ABCA13: variants seen among roughly 807,000 people sequenced by gnomAD.
ABCA13 encodes the protein ATP binding cassette subfamily A member 13.
Under a neutral mutation model 478.7 loss-of-function variants are expected in ABCA13, and 476 were observed. The observed-to-expected ratio is 0.99, with a 90% CI of 0.92 to 1.07. The LOEUF is 1.07. Among genes scored for constraint, ABCA13 ranks in the 50% least tolerant of loss-of-function variants. The pLI is 0.00. For missense variants in ABCA13, 6,060 were observed against 5,910.6 expected, an observed-to-expected ratio of 1.03 and a Z score of -0.83; for synonymous variants, 2,252 against 2,158.9, an observed-to-expected ratio of 1.04 and a Z score of -1.20.
At chr7:48,583,878 A>G (rs1197647936) in intron 56 of ABCA13, among the ~76,000 whole-genome samples, 5 of 152,236 alleles carry the variant, frequency 3.3e-5, no homozygotes, top group Non-Finnish European at 7.3e-5. Flanking sequence ...CATGACATTC[A>G]GAAAACATTG....
chr7:48,444,182 CTCT>C (rs1037498105), intron 42 of ABCA13, among the ~76,000 whole-genome samples: 2 of 152,184 alleles, frequency 1.3e-5, no homozygotes, highest in Non-Finnish European at 2.9e-5. Flanking sequence ...ATGCTCATGG[CTCT>C]TCTTTTGCTA....
intron 28 of ABCA13, among the ~76,000 whole-genome samples, chr7:48,336,824 TACAG>T (rs1806339228): frequency 6.6e-6 from 1 of 152,252 alleles, no homozygotes; most frequent in African/African-American, 2.4e-5. Context: ...AATTTGTTAA[TACAG>T]ACATCAGCAA....
intron 26 of ABCA13, 42 bp from the exon 27 acceptor site, chr7:48,317,115 G>T (rs561926458): frequency 1.9e-6 from 3 of 1,559,348 alleles, no homozygotes; most frequent in South Asian, 1.2e-5. Context: ...CCTAGGCATC[G>T]TGTATCATTA....
Position 48,273,800 on chromosome 7 carries a change from A to T in ABCA13, c.4134A>T (p.Leu1378Phe). Residue 1378 changes from leucine (L) to phenylalanine (F), a missense_variant, in exon 17 of 62, where the codon TTA (leucine) becomes TTT (phenylalanine). Leu to Phe is a conservative substitution (Grantham distance 22). Around this residue, in one of 3 missense-constraint regions of ABCA13, gnomAD observed 4,423 missense variants for 4,309.1 expected, o/e 1.03. Coordinates refer to ENST00000435803, the MANE Select transcript of ABCA13 (RefSeq NM_152701.5). ...SQRMLRILDT[L>F]NSTFSSENTI... is the part of the protein sequence containing the mutation. ...GGATGTTACGTATTCTAGACACGTT[A>T]AATTCCACATTTTCCTCTGAGAACA... 1 of 1,611,762 alleles carries T rather than the reference A, an allele frequency of 6.2e-7. No individual in the cohort carries two copies. Among genetic ancestry groups the T allele is most frequent in the Non-Finnish European group, 8.5e-7 (1 of 1,178,726 alleles).
chr7:48,344,404 C>G (rs1226831061), intron 29 of ABCA13, among the ~76,000 whole-genome samples: 1 of 152,224 alleles, frequency 6.6e-6, no homozygotes, highest in Non-Finnish European at 1.5e-5. Flanking sequence ...GTTGGAATGT[C>G]AAATCCTCTG....
At chr7:48,633,363 A>G (rs888605636) in intron 59 of ABCA13, among the ~76,000 whole-genome samples, 1 of 152,158 alleles carries the variant, frequency 6.6e-6, no homozygotes, top group African/African-American at 2.4e-5. Flanking sequence ...TAGACAGATA[A>G]TTGAGGCAGA....
At chr7:48,314,960 C>T (rs1463440658) in intron 26 of ABCA13, among the ~76,000 whole-genome samples, 1 of 152,066 alleles carries the variant, frequency 6.6e-6, no homozygotes, top group Non-Finnish European at 1.5e-5. Context: ...CAAATTAATA[C>T]ATAATTTTTT....
intron 1 of ABCA13, among the ~76,000 whole-genome samples, chr7:48,178,975 C>CCAATAATAA (rs746825836): frequency 1.0e-3 from 148 of 142,074 alleles, no homozygotes; most frequent in Middle Eastern, 3.6e-3. Flanking sequence ...AAAACAAAAA[C>CCAATAATAA]TAATAATAAT....
At chr7:48,604,539 T>C (rs1052986588) in intron 58 of ABCA13, among the ~76,000 whole-genome samples, 15 of 152,276 alleles carry the variant, frequency 9.9e-5, no homozygotes, top group African/African-American at 3.6e-4. Context: ...AGTTGTGCGG[T>C]TTTGAGTGAG....
chr7:48,620,584 A>G (rs1487621127), intron 59 of ABCA13, among the ~76,000 whole-genome samples: 1 of 152,156 alleles, frequency 6.6e-6, no homozygotes, highest in African/African-American at 2.4e-5. Flanking sequence ...TTGGGCAGCA[A>G]ATTGTCCTGG....
intron 53 of ABCA13, 94 bp from the exon 54 acceptor site, chr7:48,524,154 T>TC: frequency 8.1e-7 from 1 of 1,227,444 alleles, no homozygotes; most frequent in Non-Finnish European, 1.1e-6. Context: ...GGTGATATCT[T>TC]CAATTTTTTA....
chr7:48,233,957 A>G, intron 7 of ABCA13, 61 bp from the exon 8 acceptor site: 5 of 1,586,482 alleles, frequency 3.2e-6, no homozygotes, highest in Non-Finnish European at 3.4e-6. Context: ...TTTCTGGATT[A>G]CATTAAACAT....
At position 48,481,142 on chromosome 7, in the gene ABCA13, C is replaced by T; in HGVS notation, c.13082C>T (p.Ser4361Phe). The change falls in exon 46 of 62, where the codon TCT (serine) becomes TTT (phenylalanine). Residue 4361 changes from serine to phenylalanine, a missense_variant. Coordinates refer to ENST00000435803, the MANE Select transcript of ABCA13 (RefSeq NM_152701.5). ...ATGGAGGAGTACTTGCTGGCACCAT[C>T]TGAAAAACCAAGGTGTGTTCAATAC... ...FNMEEYLLAP[S>F]EKPRLGGWSF... The T allele has an allele frequency of 6.3e-7, 1 of 1,582,852 alleles. No homozygotes were observed. The highest frequency in any genetic ancestry group is 1.2e-5 in the South Asian group (1 of 86,026).
At chr7:48,471,227 G>A (rs1313780885) in intron 44 of ABCA13, among the ~76,000 whole-genome samples, 1 of 152,208 alleles carries the variant, frequency 6.6e-6, no homozygotes. Flanking sequence ...GAGACTGCAA[G>A]CCTCAGTTTC....
intron 56 of ABCA13, among the ~76,000 whole-genome samples, chr7:48,583,243 TCA>T (rs1788870111): frequency 6.6e-6 from 1 of 152,204 alleles, no homozygotes; most frequent in Non-Finnish European, 1.5e-5. Flanking sequence ...TTTCTTCCAT[TCA>T]CACAGTCAGT....
chr7:48,436,817 G>A (rs1485882198), intron 42 of ABCA13, among the ~76,000 whole-genome samples: 1 of 137,922 alleles, frequency 7.3e-6, no homozygotes, highest in Non-Finnish European at 1.6e-5. Flanking sequence ...ACATATTTGT[G>A]AATTTTTCTG....
intron 55 of ABCA13, among the ~76,000 whole-genome samples, chr7:48,544,779 C>T (rs1402759894): frequency 1.3e-5 from 2 of 151,894 alleles, no homozygotes; most frequent in Non-Finnish European, 2.9e-5. Context: ...GATCCCTGGC[C>T]GATCCCAAAA....
chr7:48,215,115 C>CTAA (rs754365526), intron 3 of ABCA13, among the ~76,000 whole-genome samples: 44 of 151,928 alleles, frequency 2.9e-4, no homozygotes, highest in Middle Eastern at 3.4e-3. Context: ...GACTCTGTCT[C>CTAA]TAATAATAAT....
intron 56 of ABCA13, 97 bp from the exon 57 acceptor site, chr7:48,587,057 T>A (rs1789255517): frequency 3.3e-6 from 5 of 1,519,640 alleles, no homozygotes; most frequent in Non-Finnish European, 4.5e-6. Context: ...GTCGGCAGGG[T>A]TAGTGGGAGG....
Sources: allele counts gnomAD v4.1 joint callset (sites outside exome capture counted in the v4.1 genomes callset), GRCh38; gene constraint gnomAD v4.1.1; regional missense constraint gnomAD v4.1.1; transcripts MANE v1.5; gene names NCBI Gene and HGNC (gene_info 2026-07-23, HGNC 2026-07-21).